The following FBXO11 variants were observed in gnomAD, a reference collection of about 807,000 sequenced individuals.
The protein encoded by FBXO11 is F-box only protein 11.
A neutral mutation model predicts 117.0 loss-of-function variants in FBXO11; 13 were observed. That is an observed-to-expected ratio of 0.11 (90% CI 0.07 to 0.18). FBXO11 has a LOEUF of 0.18. FBXO11 is among the 10% of genes least tolerant of loss of function. The pLI is 1.00. For synonymous variants in FBXO11, 490 were observed against 380.5 expected, an observed-to-expected ratio of 1.29 and a Z score of -3.35; for missense variants, 767 against 1,164.4, an observed-to-expected ratio of 0.66 and a Z score of 4.97.
chr2:47,839,803 C>T (rs763593624), intron 1 of FBXO11, 34 bp from the exon 2 acceptor site: 1 of 1,579,116 alleles, frequency 6.3e-7, no homozygotes, highest in African/African-American at 1.4e-5. Context: ...AAAAATTATA[C>T]CCTTTTTAAA....
At position 47,837,799 on chromosome 2, in the gene FBXO11, C is replaced by A. The variant is rs573334196; in HGVS notation, c.587+1060G>T. On this transcript the variant is annotated intron_variant, in intron 4 of 22. Transcript: ENST00000403359. ...AGGCTGCAGTGCAGTGGCACGATCA[C>A]GGCTTTCTGCAGCCTTGACTTCCTG... 2.1e-4 allele frequency among the ~76,000 whole-genome samples: 32 copies of A among 152,240 alleles called. 1 individual carries two copies. Among genetic ancestry groups the A allele is most frequent in the African/African-American group, 7.7e-4 (32 of 41,558 alleles).
intron 1 of FBXO11, among the ~76,000 whole-genome samples, chr2:47,903,353 C>T (rs192120574): frequency 1.3e-5 from 2 of 152,288 alleles, no homozygotes; most frequent in African/African-American, 4.8e-5. Context: ...TGCAGAGAAG[C>T]AACAATTCTA....
chr2:47,868,747 C>T (rs1395416539), intron 1 of FBXO11, among the ~76,000 whole-genome samples: 5 of 152,122 alleles, frequency 3.3e-5, no homozygotes, highest in African/African-American at 1.2e-4. Flanking sequence ...TGCTGTTGAG[C>T]GTCCAATTTG....
rs1488948064 is a variant in FBXO11 at position 47,824,621 on chromosome 2, G to C, written c.1399-1261C>G. Among the ~76,000 whole-genome samples, 3 of 152,026 alleles carry C rather than the reference G, an allele frequency of 2.0e-5. No individual in the cohort carries two copies. In the East Asian group the frequency reaches 5.8e-4, roughly 29 times the overall value. On this transcript the variant is annotated intron_variant, in intron 11 of 22. Coordinates refer to ENST00000403359, the MANE Select transcript of FBXO11 (RefSeq NM_001190274.2). ...GAAGACTTAGGTTCATCCTACACAT[G>C]TTAAATGAAAAGAACAAGTTTTAAA...
chr2:47,869,801 A>G (rs939539456), intron 1 of FBXO11, among the ~76,000 whole-genome samples: 1 of 152,242 alleles, frequency 6.6e-6, no homozygotes, highest in Non-Finnish European at 1.5e-5. Flanking sequence ...GGTCATAAAC[A>G]GGATAGTCAT....
intron 1 of FBXO11, chr2:47,883,769 T>C (rs190141258): frequency 4.2e-6 from 1 of 237,014 alleles, no homozygotes; most frequent in African/African-American, 2.3e-5. Context: ...TACCATAAGG[T>C]GTATGAGAAT....
chr2:47,897,018 GTTTT>G (rs1306894019), intron 1 of FBXO11, among the ~76,000 whole-genome samples: 2 of 151,918 alleles, frequency 1.3e-5, no homozygotes, highest in South Asian at 2.1e-4. Context: ...TTTAAAGCTT[GTTTT>G]TTTCTTTTTT....
intron 11 of FBXO11, among the ~76,000 whole-genome samples, chr2:47,830,608 T>C (rs1672105612): frequency 6.6e-6 from 1 of 152,200 alleles, no homozygotes; most frequent in Non-Finnish European, 1.5e-5. Context: ...TCTTAAAATG[T>C]ATAAATCTCA....
intron 1 of FBXO11, among the ~76,000 whole-genome samples, chr2:47,898,793 T>A (rs1441053801): frequency 6.6e-6 from 1 of 152,166 alleles, no homozygotes; most frequent in African/African-American, 2.4e-5. Flanking sequence ...GGTTATTGCA[T>A]CCCCTGAAAG....
At chr2:47,809,906 T>C (rs867978620) in intron 19 of FBXO11, 199 bp from the exon 20 acceptor site, 2 of 542,436 alleles carry the variant, frequency 3.7e-6, no homozygotes, top group Non-Finnish European at 6.5e-6. Context: ...AAACTGCAAT[T>C]AACTTTCGCA....
In FBXO11 at chr2:47,838,698, G is replaced by A. The variant is rs116360952; in HGVS notation, c.587+161C>T. On this transcript the variant is annotated intron_variant, in intron 4 of 22. Coordinates refer to ENST00000403359, the MANE Select transcript of FBXO11 (RefSeq NM_001190274.2). ...ATTTACTGATTTATAAATACCACCT[G>A]GACTGACAGCCCCCATTTGTAACTT... Among the ~76,000 whole-genome samples, 286 of 152,208 alleles carry A rather than the reference G, an allele frequency of 1.9e-3. 1 individual carries two copies. The highest frequency in any genetic ancestry group is 6.8e-3 in the Middle Eastern group (2 of 294).
chr2:47,901,035 ACGTGTG>A, intron 1 of FBXO11, among the ~76,000 whole-genome samples: 1 of 139,128 alleles, frequency 7.2e-6, no homozygotes, highest in East Asian at 2.9e-4. Context: ...ATATATACAC[ACGTGTG>A]TACATATATA....
intron 19 of FBXO11, 44 bp from the exon 20 acceptor site, chr2:47,809,751 GCTT>G (rs891225372): frequency 2.3e-6 from 3 of 1,320,296 alleles, no homozygotes; most frequent in Non-Finnish European, 3.2e-6. Flanking sequence ...ACTTTATACT[GCTT>G]CTTAAAAACC....
chr2:47,886,815 A>G (rs540899272), intron 1 of FBXO11, among the ~76,000 whole-genome samples: 2 of 152,208 alleles, frequency 1.3e-5, no homozygotes, highest in Non-Finnish European at 2.9e-5. Flanking sequence ...GTTTATATAC[A>G]CATGCATTTA....
At chr2:47,816,941 CT>C (rs1671045201) in intron 16 of FBXO11, among the ~76,000 whole-genome samples, 1 of 152,176 alleles carries the variant, frequency 6.6e-6, no homozygotes, top group African/African-American at 2.4e-5. Context: ...CTGCCTGCAA[CT>C]TAAAGTCATC....
chr2:47,905,976 G>T lies in FBXO11; in HGVS notation c.-256C>A, dbSNP rs976624301. 6.9e-5 allele frequency: 29 copies of T among 418,152 alleles called. No individual in the cohort carries two copies. Among genetic ancestry groups the T allele is most frequent in the African/African-American group, 4.0e-4 (19 of 47,796 alleles). 25.9% of individuals were successfully genotyped at this position (418,152 alleles called of 1,614,324 possible). On this transcript the variant is annotated 5_prime_UTR_variant, in exon 1 of 23. Coordinates refer to ENST00000403359, the MANE Select transcript of FBXO11 (RefSeq NM_001190274.2). ...ACGGGGAAGGCCGAAGCCGCCGGGC[G>T]GGGCGGCCGCGAGGGACGAAGGCAG...
intron 1 of FBXO11, among the ~76,000 whole-genome samples, chr2:47,891,077 G>C (rs987715187): frequency 5.9e-5 from 9 of 151,706 alleles, no homozygotes; most frequent in Non-Finnish European, 1.3e-4. Context: ...TCCTGCCTCT[G>C]CCTCCCAACA....
intron 5 of FBXO11, among the ~76,000 whole-genome samples, chr2:47,835,224 C>T (rs1228463056): frequency 6.6e-6 from 1 of 152,158 alleles, no homozygotes; most frequent in Non-Finnish European, 1.5e-5. Context: ...AAAAATGTCT[C>T]CCGACATCGC....
chr2:47,885,753 T>G (rs896649165), intron 1 of FBXO11, among the ~76,000 whole-genome samples: 1 of 152,090 alleles, frequency 6.6e-6, no homozygotes, highest in African/African-American at 2.4e-5. Flanking sequence ...CAACATAAAG[T>G]GAACCAAGAG....
Sources: gnomAD v4.1 joint callset for allele counts (sites outside exome capture counted in the v4.1 genomes callset) on GRCh38, gnomAD v4.1.1 for gene constraint, MANE v1.5 for transcripts, NCBI Gene and HGNC (gene_info 2026-07-23, HGNC 2026-07-21) for gene names.